CACNA1C: variants seen among roughly 807,000 people sequenced by gnomAD.
CACNA1C encodes voltage-dependent L-type calcium channel subunit alpha-1C.
In CACNA1C, 30 loss-of-function variants were observed where a neutral mutation model predicts 229.0. The ratio of observed to expected loss-of-function variants is 0.13; its 90% confidence interval spans 0.10 to 0.18. The LOEUF (loss-of-function observed/expected upper bound fraction) is 0.18. CACNA1C is among the 10% of genes least tolerant of loss of function. The probability of loss-of-function intolerance (pLI) is 1.00; values close to 1 mark genes in which losing one functional copy is unlikely to be tolerated. For synonymous variants in CACNA1C, 1,114 were observed against 1,132.5 expected (o/e 0.98, Z 0.33); for missense variants, 1,658 against 2,845.0 (o/e 0.58, Z 9.49).
chr12:2,052,245 A>G (rs751575234), upstream of CACNA1C, among the ~76,000 whole-genome samples: 1 of 152,206 alleles, frequency 6.6e-6, no homozygotes, highest in Non-Finnish European at 1.5e-5. Flanking sequence ...ACCTGGGTCT[A>G]GGAATCTGTT....
At chr12:2,221,042 C>A (rs1021717261) in intron 3 of CACNA1C, among the ~76,000 whole-genome samples, 1 of 152,128 alleles carries the variant, frequency 6.6e-6, no homozygotes, top group African/African-American at 2.4e-5. Context: ...CCTCTGGGAC[C>A]TGGAAGACAA....
At chr12:2,421,191 A>C (rs2098975399) in intron 3 of CACNA1C, among the ~76,000 whole-genome samples, 1 of 152,072 alleles carries the variant, frequency 6.6e-6, no homozygotes. Context: ...TATATAAAAC[A>C]TGTGATGATT....
chr12:2,351,493 GC>G (rs1165140632), intron 3 of CACNA1C, among the ~76,000 whole-genome samples: 1 of 152,180 alleles, frequency 6.6e-6, no homozygotes, highest in East Asian at 1.9e-4. Context: ...TTCCTCAGTT[GC>G]CCTGTCAGCA....
chr12:2,384,758 G>T (rs1345620146), intron 3 of CACNA1C, among the ~76,000 whole-genome samples: 2 of 152,208 alleles, frequency 1.3e-5, no homozygotes, highest in Non-Finnish European at 2.9e-5. Context: ...TAGAGGCACT[G>T]CAGGGACAGA....
At chr12:2,485,510 A>C (rs2099694287) in intron 5 of CACNA1C, among the ~76,000 whole-genome samples, 1 of 151,332 alleles carries the variant, frequency 6.6e-6, no homozygotes, top group South Asian at 2.1e-4. Flanking sequence ...CTTTTCCTTT[A>C]CTCTTTTTTA....
At chr12:2,249,964 A>G (rs2074985349) in intron 3 of CACNA1C, among the ~76,000 whole-genome samples, 1 of 151,750 alleles carries the variant, frequency 6.6e-6, no homozygotes, top group Non-Finnish European at 1.5e-5. Flanking sequence ...GCCCGCCACC[A>G]CGCCTGGCTA....
intron 3 of CACNA1C, among the ~76,000 whole-genome samples, chr12:2,277,388 C>G (rs1265970235): frequency 1.2e-4 from 16 of 133,988 alleles, no homozygotes; most frequent in South Asian, 2.5e-4. Context: ...CACACACACA[C>G]ACACACACAC....
chr12:2,495,884 G>T (rs1273647944), intron 7 of CACNA1C, among the ~76,000 whole-genome samples: 1 of 152,196 alleles, frequency 6.6e-6, no homozygotes, highest in Non-Finnish European at 1.5e-5. Flanking sequence ...CATGATAGAA[G>T]CCCTGCCTAG....
At chr12:2,282,907 T>C (rs1329845438) in intron 3 of CACNA1C, among the ~76,000 whole-genome samples, 1 of 152,216 alleles carries the variant, frequency 6.6e-6, no homozygotes. Context: ...GCTTTTCATA[T>C]TCAAGCTGAT....
intron 28 of CACNA1C, 78 bp downstream of exon 28, chr12:2,610,777 A>G: frequency 5.5e-6 from 8 of 1,449,908 alleles, no homozygotes; most frequent in Non-Finnish European, 7.7e-6. Flanking sequence ...ACGGAGCGGC[A>G]GGCAGCTCAG....
chr12:2,163,700 C>T (rs544879575), intron 3 of CACNA1C, among the ~76,000 whole-genome samples: 2 of 152,286 alleles, frequency 1.3e-5, no homozygotes, highest in African/African-American at 4.8e-5. Context: ...CCTCCTCCCC[C>T]GCTCCCTGGA....
intron 5 of CACNA1C, among the ~76,000 whole-genome samples, chr12:2,483,070 C>T (rs1379204346): frequency 3.3e-5 from 5 of 152,242 alleles, no homozygotes; most frequent in African/African-American, 1.2e-4. Context: ...AGTCCCTCCC[C>T]ACGTGCCTGA....
Position 2,144,237 on chromosome 12 carries a change from A to G in CACNA1C, c.477+23807A>G, listed in dbSNP as rs561065490. On this transcript the variant is annotated intron_variant, in intron 3 of 46. Coordinates refer to ENST00000399655, the MANE Select transcript of CACNA1C (RefSeq NM_000719.7). Reference sequence around the variant, plus strand: ...GTTAGCATGAATTGGAGTGGTAGAAAAGGATTTCTTGGAAGAAGCCGGGCT... The same window carrying G: ...GTTAGCATGAATTGGAGTGGTAGAAGAGGATTTCTTGGAAGAAGCCGGGCT... Among the ~76,000 whole-genome samples the G allele has an allele frequency of 2.0e-5, 3 of 151,546 alleles. No homozygotes were observed. The Admixed American group carries it at 2.0e-4, about 10-fold the overall frequency.
chr12:2,681,763 T>G, intron 42 of CACNA1C, among the ~76,000 whole-genome samples: 1 of 152,184 alleles, frequency 6.6e-6, no homozygotes, highest in Admixed American at 6.5e-5. Context: ...GGCACTGATT[T>G]AGCACTCGGC....
chr12:2,305,878 T>C (rs2094966740), intron 3 of CACNA1C, among the ~76,000 whole-genome samples: 1 of 152,214 alleles, frequency 6.6e-6, no homozygotes, highest in African/African-American at 2.4e-5. Context: ...TGAGGCCAAA[T>C]TGTGATATAA....
chr12:2,040,511 C>T (rs775675299), intron 1 of CACNA1C, among the ~76,000 whole-genome samples: 3 of 152,150 alleles, frequency 2.0e-5, no homozygotes, highest in Admixed American at 6.6e-5. Context: ...AAAGTCTAAG[C>T]GGTAGGCTGG....
At chr12:2,355,397 G>A (rs976642278) in intron 3 of CACNA1C, among the ~76,000 whole-genome samples, 4 of 152,154 alleles carry the variant, frequency 2.6e-5, no homozygotes, top group South Asian at 2.1e-4. Context: ...GCTGCTCCCT[G>A]GACTCATTTC....
At chr12:2,478,518 G>T (rs2099643045) in intron 5 of CACNA1C, among the ~76,000 whole-genome samples, 1 of 152,164 alleles carries the variant, frequency 6.6e-6, no homozygotes, top group Non-Finnish European at 1.5e-5. Flanking sequence ...ACCCTAAAGG[G>T]TCCCACTGAG....
chr12:2,584,382 C>T (rs2061652243), intron 15 of CACNA1C, 121 bp from the exon 16 acceptor site: 7 of 668,438 alleles, frequency 1.0e-5, no homozygotes, highest in Non-Finnish European at 1.9e-5. Context: ...CCTCAAATTG[C>T]TTCCCCCTCA....
Sources: allele counts gnomAD v4.1 joint callset (sites outside exome capture counted in the v4.1 genomes callset), GRCh38; gene constraint gnomAD v4.1.1; transcripts MANE v1.5; gene names NCBI Gene and HGNC (gene_info 2026-07-23, HGNC 2026-07-21).